Variants in CMIP observed in about 807,000 individuals in gnomAD.
The protein encoded by CMIP is c-Maf inducing protein, also known as C-Maf-inducing protein.
A neutral mutation model predicts 97.3 loss-of-function variants in CMIP; 13 were observed. That is an observed-to-expected ratio of 0.13 (90% confidence interval 0.09 to 0.21). The LOEUF (loss-of-function observed/expected upper bound fraction) is 0.21. Among genes scored for constraint, CMIP ranks in the 10% least tolerant of loss-of-function variants. The probability of loss-of-function intolerance (pLI) is 1.00; values close to 1 mark genes in which losing one functional copy is unlikely to be tolerated. For missense variants in CMIP, 847 were observed against 1,024.9 expected (o/e 0.83, Z 2.37); for synonymous variants, 538 against 436.3 (o/e 1.23, Z -2.91).
chr16:81,452,604 AG>A (rs1906288621), intron 1 of CMIP, among the ~76,000 whole-genome samples: 2 of 152,130 alleles, frequency 1.3e-5, no homozygotes, highest in Admixed American at 1.3e-4. Context: ...TAGGACTTCC[AG>A]GGGGAAGAGC....
chr16:81,615,584 G>A (rs111209971), intron 2 of CMIP, among the ~76,000 whole-genome samples: 17,717 of 139,290 alleles, frequency 0.13, 1,317 homozygotes, highest in South Asian at 0.2. Flanking sequence ...TATAGTGTGT[G>A]TGTCTGTGTG....
rs552956797 is a variant in CMIP, at chr16:81,625,427, A to T, written c.477+4501A>T. Reference sequence around the variant, plus strand: ...CTGACTCAGATGTACCTCCTGGCTCATGCCCTGGCCCTCAGAGGCCAAGCC... The same window carrying T: ...CTGACTCAGATGTACCTCCTGGCTCTTGCCCTGGCCCTCAGAGGCCAAGCC... On this transcript the variant is annotated intron_variant, in intron 3 of 20. Coordinates refer to ENST00000537098, the MANE Select transcript of CMIP (RefSeq NM_198390.3). Among the ~76,000 whole-genome samples, 3 of 152,378 alleles carry T rather than the reference A, an allele frequency of 2.0e-5. No individual in the cohort carries two copies. In the South Asian group the frequency reaches 6.2e-4, roughly 32 times the overall value.
intron 18 of CMIP, 79 bp downstream of exon 18, chr16:81,704,164 ATCT>A: frequency 1.7e-6 from 2 of 1,147,024 alleles, no homozygotes; most frequent in South Asian, 3.0e-5. Flanking sequence ...CCCCCGTACC[ATCT>A]TCCTTTCCCC....
chr16:81,700,141 C>T (rs542488780), intron 15 of CMIP, among the ~76,000 whole-genome samples: 9 of 152,268 alleles, frequency 5.9e-5, no homozygotes, highest in Admixed American at 1.3e-4. Context: ...GGCGCAGCTA[C>T]GCACTTCTCA....
At chr16:81,463,434 C>G (rs939151733) in intron 1 of CMIP, among the ~76,000 whole-genome samples, 10 of 152,200 alleles carry the variant, frequency 6.6e-5, no homozygotes, top group African/African-American at 2.4e-4. Flanking sequence ...GTTGAACTTT[C>G]CCTTTTGTTT....
At chr16:81,695,878 G>A (rs1253677266) in intron 13 of CMIP, 1 of 153,140 alleles carries the variant, frequency 6.5e-6, no homozygotes, top group Non-Finnish European at 1.5e-5. Flanking sequence ...AAGTGGGGAT[G>A]AGACCTAACA....
intron 1 of CMIP, among the ~76,000 whole-genome samples, chr16:81,561,973 A>G (rs2090892008): frequency 6.6e-6 from 1 of 152,100 alleles, no homozygotes; most frequent in South Asian, 2.1e-4. Flanking sequence ...CAGTTGAGAG[A>G]GAAGGCTGAT....
At chr16:81,605,276 A>G (rs565344004) in intron 1 of CMIP, among the ~76,000 whole-genome samples, 8 of 152,322 alleles carry the variant, frequency 5.3e-5, no homozygotes, top group South Asian at 2.1e-4. Context: ...TGGGTGACAC[A>G]TGGCAGCCGC....
At chr16:81,535,466 CTT>C (rs34961950) in intron 1 of CMIP, among the ~76,000 whole-genome samples, 56,563 of 134,000 alleles carry the variant, frequency 0.42, 12,384 homozygotes, top group Non-Finnish European at 0.52. Flanking sequence ...CACTGGAATG[CTT>C]TTTTTTTTTT....
intron 7 of CMIP, 75 bp downstream of exon 7, chr16:81,664,424 C>T (rs1262652120): frequency 9.3e-6 from 13 of 1,400,966 alleles, no homozygotes; most frequent in East Asian, 5.0e-5. Context: ...TGGCCTTTTG[C>T]GTTGGCACAG....
chr16:81,515,947 G>C (rs1351228051), intron 1 of CMIP, among the ~76,000 whole-genome samples: 1 of 152,210 alleles, frequency 6.6e-6, no homozygotes, highest in Non-Finnish European at 1.5e-5. Context: ...GCTCCCACTG[G>C]ACGGACCCTA....
chr16:81,530,311 A>G (rs2090207890), intron 1 of CMIP, among the ~76,000 whole-genome samples: 2 of 152,162 alleles, frequency 1.3e-5, no homozygotes, highest in African/African-American at 4.8e-5. Context: ...TTTGGGGGAA[A>G]TAAAATCCCA....
At chr16:81,701,469 C>T (rs1027435746) in intron 15 of CMIP, among the ~76,000 whole-genome samples, 191 bp from the exon 16 acceptor site, 9 of 152,172 alleles carry the variant, frequency 5.9e-5, no homozygotes, top group African/African-American at 2.2e-4. Flanking sequence ...AACCTCAGTG[C>T]GTGGTCACTG....
chr16:81,539,704 G>C (rs2090413121), intron 1 of CMIP, among the ~76,000 whole-genome samples: 1 of 152,200 alleles, frequency 6.6e-6, no homozygotes. Flanking sequence ...TTCCTGCTAA[G>C]AGCAAGACTA....
rs538021407 is a variant in CMIP at position 81,473,427 on chromosome 16, G to A, written c.300+27886G>A. Among the ~76,000 whole-genome samples the A allele has an allele frequency of 5.3e-5, 8 of 151,732 alleles. No individual in the cohort carries two copies. In the South Asian group the frequency reaches 1.3e-3, roughly 24 times the overall value. On this transcript the variant is annotated intron_variant, in intron 1 of 20. Transcript: ENST00000537098. Reference sequence around the variant, plus strand: ...CTGTTGCCCAAGTCAACAGTGGTGCGTTTTTGAATTTGTCTTTGTTGGTTT... The same window carrying A: ...CTGTTGCCCAAGTCAACAGTGGTGCATTTTTGAATTTGTCTTTGTTGGTTT...
At chr16:81,553,546 G>T (rs2090701975) in intron 1 of CMIP, among the ~76,000 whole-genome samples, 1 of 152,212 alleles carries the variant, frequency 6.6e-6, no homozygotes, top group South Asian at 2.1e-4. Context: ...TCGAACAGGG[G>T]AGGCAACTGT....
At chr16:81,498,295 C>T (rs1463540930) in intron 1 of CMIP, among the ~76,000 whole-genome samples, 4 of 152,232 alleles carry the variant, frequency 2.6e-5, no homozygotes, top group Admixed American at 1.3e-4. Context: ...GGGTCTGTGT[C>T]CCTCCCTTGG....
At chr16:81,455,327 A>T (rs1306823491) in intron 1 of CMIP, among the ~76,000 whole-genome samples, 2 of 152,248 alleles carry the variant, frequency 1.3e-5, no homozygotes, top group Non-Finnish European at 2.9e-5. Flanking sequence ...CGTACAACCC[A>T]GTTAGATACT....
chr16:81,572,185 C>G (rs995178675), intron 1 of CMIP, among the ~76,000 whole-genome samples: 1 of 152,260 alleles, frequency 6.6e-6, no homozygotes, highest in African/African-American at 2.4e-5. Flanking sequence ...GCAGCCATCT[C>G]TTTCTTGGAT....
Sources: gnomAD v4.1 joint callset for allele counts (sites outside exome capture counted in the v4.1 genomes callset) on GRCh38, gnomAD v4.1.1 for gene constraint, MANE v1.5 for transcripts, NCBI Gene and HGNC (gene_info 2026-07-23, HGNC 2026-07-21) for gene names.